EXOC3: variants seen among roughly 807,000 people sequenced by gnomAD.
The protein encoded by EXOC3 is exocyst complex component 3.
A neutral mutation model predicts 73.7 loss-of-function variants in EXOC3; 21 were observed. The observed-to-expected ratio is 0.29, with a 90% CI of 0.20 to 0.41. The LOEUF (loss-of-function observed/expected upper bound fraction) is 0.41, where lower values mean the gene tolerates loss of function less well. Among genes scored for constraint, EXOC3 ranks in the 10% least tolerant of loss-of-function variants. EXOC3 has a pLI of 1.00. For synonymous variants in EXOC3, 410 were observed against 389.1 expected (o/e 1.05, Z -0.63); for missense variants, 842 against 985.1 (o/e 0.85, Z 1.95).
chr5:465,752 C>A lies in EXOC3; in HGVS notation c.1973C>A (p.Thr658Asn). ...GAAGACGTGGACGGATACTGCGACA[C>A]CATCGTGGCTGTGGCCGAAGTGATC... is the stretch of plus-strand genomic sequence containing the variant. The part of the protein sequence containing the change: ...FGEDVDGYCD[T>N]IVAVAEVIKL... Residue 658 changes from threonine (T) to asparagine (N), a missense_variant, in exon 12 of 13, where the codon ACC (threonine) becomes AAC (asparagine). Thr to Asn is a moderately conservative substitution (Grantham distance 65). Transcript: ENST00000512944. 1 of 1,613,938 alleles carries A rather than the reference C, an allele frequency of 6.2e-7. No homozygotes were observed. Among genetic ancestry groups the A allele is most frequent in the Non-Finnish European group, 8.5e-7 (1 of 1,179,860 alleles).
intron 4 of EXOC3, 117 bp from the exon 5 acceptor site, chr5:456,772 C>T: frequency 2.5e-6 from 2 of 795,918 alleles, no homozygotes; most frequent in Non-Finnish European, 4.3e-6. Context: ...CGGCTGTGAC[C>T]AGGAAGTCTC....
At chr5:456,639 C>T (rs370213374) in intron 4 of EXOC3, among the ~76,000 whole-genome samples, 9 of 152,058 alleles carry the variant, frequency 5.9e-5, no homozygotes, top group South Asian at 4.1e-4. Context: ...CCAAAGCCCT[C>T]GGCCCCTGCC....
At chr5:444,080 G>A (rs550358321) in intron 1 of EXOC3, among the ~76,000 whole-genome samples, 2 of 152,208 alleles carry the variant, frequency 1.3e-5, no homozygotes, top group South Asian at 4.1e-4. Flanking sequence ...GTGTCTCCCT[G>A]GCGCAGGTGT....
chr5:445,247 CG>C (rs1737471274), intron 1 of EXOC3, among the ~76,000 whole-genome samples: 1 of 151,914 alleles, frequency 6.6e-6, no homozygotes, highest in Non-Finnish European at 1.5e-5. Flanking sequence ...GTGGTCTGCA[CG>C]GGGCCTGCAT....
rs555887025 is a variant in EXOC3, at chr5:453,988, C to T, written c.983C>T (p.Ser328Leu). ...AGCACGCGGATGCAGGACCTCGCATCGGAAGACCTGGAAGCCAATGAGATC... is the reference window on the plus strand; with the variant it reads ...AGCACGCGGATGCAGGACCTCGCATTGGAAGACCTGGAAGCCAATGAGATC... ...ALSTRMQDLA[S>L]EDLEANEIVS... The change falls in exon 4 of 13, where the codon TCG (serine) becomes TTG (leucine). Residue 328 changes from serine to leucine, a missense_variant. By Grantham distance (145) the Ser-to-Leu change is moderately radical. Transcript: ENST00000512944. 5.6e-6 allele frequency: 9 copies of T among 1,613,760 alleles called. No individual in the cohort carries two copies. The highest frequency in any genetic ancestry group is 3.3e-5 in the South Asian group (3 of 91,024).
chr5:462,421 G>C lies in EXOC3; in HGVS notation c.1653+114G>C, dbSNP rs561637927. ...CGTGCGGATGCCGTCTGGGGAGCCG[G>C]GCTGTGCACTTGCATTCCGGTCAGA... On this transcript the variant is annotated intron_variant, in intron 9 of 12. Transcript: ENST00000512944. The C allele has an allele frequency of 3.3e-6, 4 of 1,228,928 alleles. No individual in the cohort carries two copies. In the East Asian group the frequency reaches 7.0e-5, roughly 22 times the overall value. The allele number at this position is 1,228,928 out of a possible 1,614,324, so 76.1% of individuals were successfully genotyped here. A position where few individuals can be genotyped will look rare whatever the true frequency, so the allele number is the denominator to read the frequency against.
At chr5:454,285 C>T (rs961919479) in intron 4 of EXOC3, among the ~76,000 whole-genome samples, 1 of 152,228 alleles carries the variant, frequency 6.6e-6, no homozygotes, top group Non-Finnish European at 1.5e-5. Flanking sequence ...TGGCCTCCAG[C>T]CCCCGTTGAG....
At chr5:450,054 C>G (rs925503723) in intron 3 of EXOC3, among the ~76,000 whole-genome samples, 1 of 152,012 alleles carries the variant, frequency 6.6e-6, no homozygotes, top group Non-Finnish European at 1.5e-5. Context: ...GAGACCAGCC[C>G]GGCCAACATG....
chr5:456,771 C>T (rs1291823684), intron 4 of EXOC3, 118 bp from the exon 5 acceptor site: 2 of 792,870 alleles, frequency 2.5e-6, no homozygotes, highest in East Asian at 2.7e-5. Flanking sequence ...CCGGCTGTGA[C>T]CAGGAAGTCT....
chr5:465,953 G>A, intron 12 of EXOC3, 108 bp downstream of exon 12: 1 of 1,309,968 alleles, frequency 7.6e-7, no homozygotes, highest in Non-Finnish European at 1.0e-6. Flanking sequence ...GTTCAGCCCT[G>A]CAGCACGGCA....
At chr5:465,431 G>T (rs1415067933) in intron 11 of EXOC3, among the ~76,000 whole-genome samples, 159 bp downstream of exon 11, 1 of 152,212 alleles carries the variant, frequency 6.6e-6, no homozygotes, top group South Asian at 2.1e-4. Flanking sequence ...GGTTGGACAC[G>T]AATGTCCACA....
At position 453,616 on chromosome 5, in the gene EXOC3, G is replaced by A. The variant is rs1021801165; in HGVS notation, c.611G>A (p.Arg204His). 4.3e-6 allele frequency: 7 copies of A among 1,613,890 alleles called. No individual in the cohort carries two copies. The highest frequency in any genetic ancestry group is 5.9e-6 in the Non-Finnish European group (7 of 1,179,894). Residue 204 changes from arginine to histidine, a missense_variant, in exon 4 of 13, where the codon CGT becomes CAT. Physicochemically the swap from Arg to His is conservative, Grantham distance 29. Coordinates refer to ENST00000512944, the MANE Select transcript of EXOC3 (RefSeq NM_007277.5). ...VLQRSLVTVR[R>H]DPTLLVSVVR... ...CAGAGGTCACTGGTCACTGTCCGCC[G>A]TGACCCCACCTTGCTGGTCTCAGTT...
chr5:466,984 A>G lies in EXOC3; in HGVS notation c.*86A>G. On this transcript the variant is annotated 3_prime_UTR_variant, in exon 13 of 13. Coordinates refer to ENST00000512944, the MANE Select transcript of EXOC3 (RefSeq NM_007277.5). ...GGACAGCTGATTGCTCTCCTTGGCC[A>G]CACGTGCTCCTTTTAGCTGCACGGC... 3 of 1,338,194 alleles carry G rather than the reference A, an allele frequency of 2.2e-6. No individual in the cohort carries two copies. The highest frequency in any genetic ancestry group is 3.1e-6 in the Non-Finnish European group (3 of 975,150). The allele number at this position is 1,338,194 out of a possible 1,614,324, so 82.9% of individuals were successfully genotyped here.
chr5:446,699 A>G (rs986481755), intron 2 of EXOC3, among the ~76,000 whole-genome samples: 1 of 152,188 alleles, frequency 6.6e-6, no homozygotes, highest in Non-Finnish European at 1.5e-5. Flanking sequence ...CTCTATGAAA[A>G]TACAAAAATT....
intron 4 of EXOC3, among the ~76,000 whole-genome samples, chr5:454,766 C>T (rs1737754837): frequency 6.6e-6 from 1 of 151,566 alleles, no homozygotes; most frequent in African/African-American, 2.4e-5. Flanking sequence ...TCCATGGTTT[C>T]ATGGTTAGAA....
intron 5 of EXOC3, chr5:457,667 C>T (rs1027926360): frequency 4.4e-6 from 2 of 451,510 alleles, no homozygotes; most frequent in Non-Finnish European, 8.0e-6. Flanking sequence ...TTTCTTCTCC[C>T]TCTTTATCTG....
At chr5:445,557 T>C (rs573005275) in intron 1 of EXOC3, among the ~76,000 whole-genome samples, 1 of 152,330 alleles carries the variant, frequency 6.6e-6, no homozygotes, top group East Asian at 1.9e-4. Context: ...GGTTTCACCA[T>C]GTTAGCCAGG....
chr5:449,532 A>T (rs1475746872), intron 3 of EXOC3, among the ~76,000 whole-genome samples: 1 of 152,190 alleles, frequency 6.6e-6, no homozygotes, highest in Non-Finnish European at 1.5e-5. Context: ...ACCTCATAGA[A>T]GTGGCATCAC....
chr5:465,179 T>C lies in EXOC3; in HGVS notation c.1845T>C (p.Ile615=). 6.3e-7 allele frequency: 1 copy of C among 1,597,090 alleles called. No individual in the cohort carries two copies. Among genetic ancestry groups the C allele is most frequent in the Non-Finnish European group, 8.5e-7 (1 of 1,172,402 alleles). The part of the protein sequence containing the change: ...EYLRAVMQKR[I]SFRSPEERKE... The stretch of plus-strand genomic sequence containing the variant: ...TGCGGGCGGTCATGCAGAAGCGCAT[T>C]TCCTTCCGGAGCCCGGAGGAGCGCA... The change falls in exon 11 of 13, where the codon ATT becomes ATC. Residue 615 remains isoleucine, a synonymous_variant. Transcript: ENST00000512944.
Sources: allele counts gnomAD v4.1 joint callset (sites outside exome capture counted in the v4.1 genomes callset), GRCh38; gene constraint gnomAD v4.1.1; transcripts MANE v1.5; gene names NCBI Gene and HGNC (gene_info 2026-07-23, HGNC 2026-07-21).